The following IQGAP2 variants were observed in gnomAD, a reference collection of about 807,000 sequenced individuals.
The protein encoded by IQGAP2 is IQ motif containing GTPase activating protein 2.
Under a neutral mutation model 201.3 loss-of-function variants are expected in IQGAP2, and 173 were observed. The ratio of observed to expected loss-of-function variants is 0.86; its 90% CI spans 0.76 to 0.98. The LOEUF (loss-of-function observed/expected upper bound fraction) is 0.98. IQGAP2 is among the 50% of genes least tolerant of loss of function. The pLI is 0.00. For synonymous variants in IQGAP2, 675 were observed against 673.9 expected (o/e 1.00, Z -0.03); for missense variants, 1,687 against 1,864.8 (o/e 0.90, Z 1.76).
In IQGAP2 at chr5:76,652,732, AC is replaced by A. The variant is rs1249879603; in HGVS notation, c.2095-15del. 2 of 1,552,672 alleles carry A rather than the reference AC, an allele frequency of 1.3e-6. No homozygotes were observed. Among genetic ancestry groups the A allele is most frequent in the Non-Finnish European group, 1.8e-6 (2 of 1,124,034 alleles). ...AAACTTGCTGGTAAATAATTCTATA[AC>A]CCACTCTTTTCCTTAGGCTTTTTGG... On this transcript the variant is annotated splice_polypyrimidine_tract_variant and intron_variant, in intron 17 of 35. Coordinates refer to ENST00000274364, the MANE Select transcript of IQGAP2 (RefSeq NM_006633.5).
intron 1 of IQGAP2, among the ~76,000 whole-genome samples, chr5:76,429,369 G>C (rs1342448168): frequency 1.3e-5 from 2 of 151,392 alleles, no homozygotes; most frequent in African/African-American, 4.8e-5. Flanking sequence ...TCCGGAGATC[G>C]AGACTATCCT....
chr5:76,418,209 A>C (rs1020604476), intron 1 of IQGAP2, among the ~76,000 whole-genome samples: 1 of 146,768 alleles, frequency 6.8e-6, no homozygotes, highest in Non-Finnish European at 1.5e-5. Flanking sequence ...TCCGTCTCAA[A>C]AAAAAAAAAA....
chr5:76,625,205 G>C (rs1053956029), intron 13 of IQGAP2, among the ~76,000 whole-genome samples: 3 of 152,088 alleles, frequency 2.0e-5, no homozygotes, highest in Admixed American at 6.5e-5. Flanking sequence ...TCTCTCTTCA[G>C]TTTGGCCTAT....
chr5:76,622,536 T>C (rs1749801517), intron 13 of IQGAP2, among the ~76,000 whole-genome samples: 1 of 152,188 alleles, frequency 6.6e-6, no homozygotes, highest in Admixed American at 6.5e-5. Context: ...AATTTGTTAT[T>C]TTTGGAAAAA....
intron 2 of IQGAP2, among the ~76,000 whole-genome samples, chr5:76,546,354 G>A (rs1237998692): frequency 1.3e-5 from 2 of 152,098 alleles, no homozygotes; most frequent in Admixed American, 6.5e-5. Flanking sequence ...GAGAATCCTC[G>A]AACCTGGGAG....
intron 1 of IQGAP2, among the ~76,000 whole-genome samples, chr5:76,424,206 C>G (rs955357485): frequency 6.6e-6 from 1 of 152,164 alleles, no homozygotes; most frequent in African/African-American, 2.4e-5. Flanking sequence ...GTTTATTCCC[C>G]CCTGCTTTCA....
intron 2 of IQGAP2, among the ~76,000 whole-genome samples, chr5:76,507,719 T>C (rs1309166967): frequency 6.6e-6 from 1 of 152,142 alleles, no homozygotes; most frequent in Non-Finnish European, 1.5e-5. Context: ...TGATTAAAAA[T>C]TGGGCCAATG....
In IQGAP2 at chr5:76,626,270, CTT is replaced by C. The variant is rs34251090; in HGVS notation, c.1522-1122_1522-1121del. On this transcript the variant is annotated intron_variant, in intron 13 of 35. Coordinates refer to ENST00000274364, the MANE Select transcript of IQGAP2 (RefSeq NM_006633.5). ...TTCTTTTTCTTTTTTTTCTTCTTTT[CTT>C]TTTTTTTTTTTTTTTTTGTGAGACA... Among the ~76,000 whole-genome samples the C allele has an allele frequency of 2.1e-3, 172 of 83,650 alleles. 1 individual carries two copies. In the East Asian group the frequency reaches 0.053, roughly 26 times the overall value. 54.9% of individuals were successfully genotyped at this position (83,650 alleles called of 152,430 possible).
chr5:76,681,994 A>T (rs1041670500), intron 28 of IQGAP2, among the ~76,000 whole-genome samples: 2 of 152,356 alleles, frequency 1.3e-5, no homozygotes, highest in African/African-American at 4.8e-5. Context: ...AATACCACTT[A>T]TCTAAGGTAC....
intron 5 of IQGAP2, among the ~76,000 whole-genome samples, chr5:76,576,876 T>C (rs1745504338): frequency 6.6e-6 from 1 of 152,238 alleles, no homozygotes; most frequent in Non-Finnish European, 1.5e-5. Flanking sequence ...ACCTACTTCA[T>C]GCTGCCTTCT....
intron 15 of IQGAP2, 25 bp downstream of exon 15, chr5:76,632,051 C>T: frequency 1.3e-6 from 2 of 1,547,548 alleles, no homozygotes; most frequent in Non-Finnish European, 1.8e-6. Flanking sequence ...TACTTTAGCA[C>T]AAACTAAGTA....
chr5:76,419,712 A>C (rs1580151617), intron 1 of IQGAP2, among the ~76,000 whole-genome samples: 1 of 149,314 alleles, frequency 6.7e-6, no homozygotes, highest in Admixed American at 6.7e-5. Flanking sequence ...TCAAGCTCTC[A>C]AAACCTCAAA....
At chr5:76,547,779 A>C (rs954279781) in intron 2 of IQGAP2, among the ~76,000 whole-genome samples, 5 of 152,170 alleles carry the variant, frequency 3.3e-5, no homozygotes, top group Non-Finnish European at 7.4e-5. Flanking sequence ...CAGACATGAC[A>C]GCTCAGTCTC....
At chr5:76,656,502 G>A (rs1742736117) in intron 20 of IQGAP2, among the ~76,000 whole-genome samples, 1 of 151,692 alleles carries the variant, frequency 6.6e-6, no homozygotes. Flanking sequence ...TTTTTTTAAA[G>A]AAGGCTAAAG....
intron 1 of IQGAP2, among the ~76,000 whole-genome samples, chr5:76,429,594 A>G (rs1304187299): frequency 4.2e-5 from 6 of 142,834 alleles, no homozygotes; most frequent in Non-Finnish European, 7.6e-5. Context: ...ATATATATAT[A>G]TATGTATATT....
At chr5:76,510,059 G>A (rs899037969) in intron 2 of IQGAP2, among the ~76,000 whole-genome samples, 1 of 149,262 alleles carries the variant, frequency 6.7e-6, no homozygotes, top group Non-Finnish European at 1.5e-5. Context: ...GAGTACAGCA[G>A]CTCAATCTCA....
intron 3 of IQGAP2, among the ~76,000 whole-genome samples, chr5:76,565,460 G>A (rs1351787633): frequency 6.6e-6 from 1 of 152,188 alleles, no homozygotes; most frequent in Non-Finnish European, 1.5e-5. Context: ...TTGGAAAGAT[G>A]TCCTGAGTAT....
At chr5:76,628,090 G>T (rs1473977756) in intron 14 of IQGAP2, among the ~76,000 whole-genome samples, 2 of 152,172 alleles carry the variant, frequency 1.3e-5, no homozygotes, top group African/African-American at 4.8e-5. Flanking sequence ...TGAAGGGAAG[G>T]CCAGGCCCCT....
At chr5:76,671,713 G>T (rs1477737591) in intron 23 of IQGAP2, 46 bp from the exon 24 acceptor site, 108 of 1,107,652 alleles carry the variant, frequency 9.8e-5, no homozygotes, top group Non-Finnish European at 1.3e-4. Flanking sequence ...AAAAAAATCT[G>T]TATCCATGGA....
Sources: gnomAD v4.1 joint callset for allele counts (sites outside exome capture counted in the v4.1 genomes callset) on GRCh38, gnomAD v4.1.1 for gene constraint, MANE v1.5 for transcripts, NCBI Gene and HGNC (gene_info 2026-07-23, HGNC 2026-07-21) for gene names.